NCAM2: variants seen among roughly 807,000 people sequenced by gnomAD.
The protein encoded by NCAM2 is N-CAM-2.
In NCAM2, 30 loss-of-function variants were observed where a neutral mutation model predicts 98.1. That is an observed-to-expected ratio of 0.31 (90% confidence interval 0.23 to 0.41). The LOEUF (loss-of-function observed/expected upper bound fraction) is 0.41. Among genes scored for constraint, NCAM2 ranks in the 10% least tolerant of loss-of-function variants. The pLI, the probability that NCAM2 is intolerant of heterozygous loss-of-function variation, is 1.00. For synonymous variants in NCAM2, 368 were observed against 342.4 expected (o/e 1.07, Z -0.83); for missense variants, 867 against 1,005.8 (o/e 0.86, Z 1.87).
At chr21:21,153,992 A>G (rs2067531125) in intron 1 of NCAM2, among the ~76,000 whole-genome samples, 1 of 151,894 alleles carries the variant, frequency 6.6e-6, no homozygotes, top group East Asian at 1.9e-4. Flanking sequence ...AAGTTTATAA[A>G]TGAGATAGAG....
chr21:21,479,608 A>AAAAAAAAAAAAAAAAAAAAAAG (rs1491473437), intron 15 of NCAM2, among the ~76,000 whole-genome samples: 1 of 127,916 alleles, frequency 7.8e-6, no homozygotes, highest in African/African-American at 2.8e-5. Flanking sequence ...AAAAAAAAAA[A>AAAAAAAAAAAAAAAAAAAAAAG]TTGTTGATGA....
intron 9 of NCAM2, among the ~76,000 whole-genome samples, chr21:21,387,285 C>T (rs2076291440): frequency 6.6e-6 from 1 of 152,018 alleles, no homozygotes; most frequent in South Asian, 2.1e-4. Context: ...GTTTCACCCT[C>T]ATAACGTCAC....
intron 1 of NCAM2, among the ~76,000 whole-genome samples, chr21:21,019,136 G>T (rs2146177028): frequency 6.6e-6 from 1 of 152,306 alleles, no homozygotes; most frequent in South Asian, 2.1e-4. Flanking sequence ...AATAAATTTG[G>T]ATCCTGTGGC....
intron 12 of NCAM2, among the ~76,000 whole-genome samples, chr21:21,448,878 A>C (rs546544120): frequency 6.5e-4 from 99 of 152,228 alleles, no homozygotes; most frequent in African/African-American, 2.2e-3. Flanking sequence ...TGTATGTTAA[A>C]ATTCAAATAA....
Position 21,232,460 on chromosome 21 carries a change from G to A in NCAM2, c.56-48118G>A, listed in dbSNP as rs554246801. The stretch of plus-strand genomic sequence containing the variant: ...TAATAATCATTTTTGAGTTTCAGTT[G>A]TACAGCTGTGTTTGAATATTGCTTG... On this transcript the variant is annotated intron_variant, in intron 1 of 17. Transcript: ENST00000400546. Among the ~76,000 whole-genome samples, 4 of 151,578 alleles carry A rather than the reference G, an allele frequency of 2.6e-5. No homozygotes were observed. The South Asian group carries it at 8.3e-4, about 31-fold the overall frequency.
At chr21:21,271,282 C>T (rs2072487585) in intron 1 of NCAM2, among the ~76,000 whole-genome samples, 1 of 152,076 alleles carries the variant, frequency 6.6e-6, no homozygotes, top group African/African-American at 2.4e-5. Context: ...CAGACCTGTG[C>T]TGGGTTTATA....
intron 1 of NCAM2, among the ~76,000 whole-genome samples, chr21:21,138,935 AATG>A (rs2067114902): frequency 6.6e-6 from 1 of 152,210 alleles, no homozygotes; most frequent in South Asian, 2.1e-4. Context: ...ATGGTATTTT[AATG>A]ATAAATAATA....
chr21:21,448,592 CT>C (rs1332098769), intron 12 of NCAM2, among the ~76,000 whole-genome samples: 3 of 151,906 alleles, frequency 2.0e-5, no homozygotes, highest in Non-Finnish European at 4.4e-5. Context: ...ATTTTAAAAT[CT>C]TAATGAGTTA....
intron 1 of NCAM2, among the ~76,000 whole-genome samples, chr21:21,013,142 A>T (rs921883434): frequency 2.6e-5 from 4 of 152,202 alleles, no homozygotes; most frequent in African/African-American, 9.7e-5. Flanking sequence ...AAAAGTTAGA[A>T]ATAATTAAGT....
intron 1 of NCAM2, among the ~76,000 whole-genome samples, chr21:21,277,030 A>G (rs1391197085): frequency 6.6e-6 from 1 of 152,088 alleles, no homozygotes; most frequent in African/African-American, 2.4e-5. Flanking sequence ...TAAAATTTCT[A>G]TAGCTTTCAA....
chr21:21,008,824 T>C (rs2064155339), intron 1 of NCAM2, among the ~76,000 whole-genome samples: 1 of 152,190 alleles, frequency 6.6e-6, no homozygotes, highest in South Asian at 2.1e-4. Flanking sequence ...GTTAATACTT[T>C]TGCCTTGTAT....
chr21:21,441,757 C>G (rs968685066), intron 12 of NCAM2, among the ~76,000 whole-genome samples: 1 of 140,846 alleles, frequency 7.1e-6, no homozygotes, highest in African/African-American at 2.8e-5. Flanking sequence ...GCCTCCCAGG[C>G]AGAGTTAAGC....
At chr21:21,502,831 G>A (rs1042447990) in intron 15 of NCAM2, among the ~76,000 whole-genome samples, 1 of 151,804 alleles carries the variant, frequency 6.6e-6, no homozygotes, top group Admixed American at 6.6e-5. Context: ...CACCATCTTA[G>A]GACTCTGACT....
intron 9 of NCAM2, among the ~76,000 whole-genome samples, chr21:21,407,983 A>G (rs773254985): frequency 2.6e-5 from 4 of 152,208 alleles, no homozygotes; most frequent in Non-Finnish European, 5.9e-5. Flanking sequence ...TTGAATTAAA[A>G]TTTATTTGAC....
intron 8 of NCAM2, among the ~76,000 whole-genome samples, chr21:21,353,893 A>G (rs773318732): frequency 6.6e-6 from 1 of 152,186 alleles, no homozygotes; most frequent in Non-Finnish European, 1.5e-5. Flanking sequence ...TTTGTTCTTC[A>G]TCTATTTTTC....
At chr21:21,295,839 C>G (rs2073458337) in intron 5 of NCAM2, among the ~76,000 whole-genome samples, 1 of 150,332 alleles carries the variant, frequency 6.7e-6, no homozygotes, top group Non-Finnish European at 1.5e-5. Flanking sequence ...GTCTGTTTCT[C>G]TCTCTCTCTC....
chr21:21,362,793 C>G (rs1346907337), intron 8 of NCAM2, among the ~76,000 whole-genome samples: 1 of 152,070 alleles, frequency 6.6e-6, no homozygotes, highest in African/African-American at 2.4e-5. Flanking sequence ...ATATGATAGA[C>G]TATTGATTTT....
At chr21:21,378,445 G>A in intron 9 of NCAM2, among the ~76,000 whole-genome samples, 1 of 151,888 alleles carries the variant, frequency 6.6e-6, no homozygotes, top group South Asian at 2.1e-4. Context: ...CACTTTTTTA[G>A]GTACTTGTTG....
intron 6 of NCAM2, among the ~76,000 whole-genome samples, chr21:21,330,939 A>C (rs900470181): frequency 4.6e-5 from 7 of 152,082 alleles, no homozygotes; most frequent in Non-Finnish European, 8.8e-5. Flanking sequence ...TTTTAATCCC[A>C]TCAGAGTATT....
Sources: gnomAD v4.1 joint callset for allele counts (sites outside exome capture counted in the v4.1 genomes callset) on GRCh38, gnomAD v4.1.1 for gene constraint, MANE v1.5 for transcripts, NCBI Gene and HGNC (gene_info 2026-07-23, HGNC 2026-07-21) for gene names.